The following PCDHA6 variants were observed in gnomAD, a reference collection of about 807,000 sequenced individuals.
The protein encoded by PCDHA6 is protocadherin alpha 6.
Under a neutral mutation model 60.3 loss-of-function variants are expected in PCDHA6, and 55 were observed. The ratio of observed to expected loss-of-function variants is 0.91; its 90% CI spans 0.73 to 1.14. The LOEUF is 1.14. PCDHA6 is among the 50% of genes most tolerant of loss of function. The probability of loss-of-function intolerance (pLI) is 0.00; values close to 1 mark genes in which losing one functional copy is unlikely to be tolerated. For synonymous variants in PCDHA6, 652 were observed against 557.9 expected (o/e 1.17, Z -2.38); for missense variants, 1,327 against 1,256.5 (o/e 1.06, Z -0.85).
chr5:140,946,091 A>G (rs1554217315), intron 1 of PCDHA6, among the ~76,000 whole-genome samples: 1 of 152,040 alleles, frequency 6.6e-6, no homozygotes, highest in Non-Finnish European at 1.5e-5. Flanking sequence ...TCTGATAAGG[A>G]GTTAACATAC....
At chr5:140,942,361 G>A (rs1554214935) in intron 1 of PCDHA6, among the ~76,000 whole-genome samples, 1 of 151,920 alleles carries the variant, frequency 6.6e-6, no homozygotes, top group East Asian at 1.9e-4. Context: ...GCAGTTAACG[G>A]AGATTGCACC....
chr5:140,880,739 A>G (rs1349403476), intron 1 of PCDHA6, among the ~76,000 whole-genome samples: 1 of 152,204 alleles, frequency 6.6e-6, no homozygotes, highest in South Asian at 2.1e-4. Context: ...GAGAAAATGG[A>G]TTGTCAGTGT....
intron 1 of PCDHA6, chr5:140,868,241 T>C (rs1042254119): frequency 2.0e-5 from 3 of 152,140 alleles, no homozygotes; most frequent in Non-Finnish European, 4.4e-5. Flanking sequence ...TCTAGATCAA[T>C]AGACTTTTCC....
At chr5:140,881,376 C>G in intron 1 of PCDHA6, 5 of 984,754 alleles carry the variant, frequency 5.1e-6, no homozygotes, top group Non-Finnish European at 6.0e-6. Context: ...GAATTGCAGC[C>G]GGCGGCGGTA....
In PCDHA6 at chr5:140,870,728, C is replaced by G. The variant is rs531202250; in HGVS notation, c.2394+40243C>G. On this transcript the variant is annotated intron_variant, in intron 1 of 3. Transcript: ENST00000529310. Reference sequence around the variant, plus strand: ...GTGAGCGCGCGCGATGCGGGCGTGCCGCCTCTGAGCAGCAACGTGACGCTG... The same window carrying G: ...GTGAGCGCGCGCGATGCGGGCGTGCGGCCTCTGAGCAGCAACGTGACGCTG... The G allele has an allele frequency of 5.0e-6, 8 of 1,613,220 alleles. No individual in the cohort carries two copies. The East Asian group carries it at 6.7e-5, about 13-fold the overall frequency.
intron 1 of PCDHA6, chr5:140,871,411 G>A: frequency 6.2e-7 from 1 of 1,614,056 alleles, no homozygotes; most frequent in Non-Finnish European, 8.5e-7. Flanking sequence ...GGACCTCATG[G>A]CCTTCAGCCC....
chr5:140,862,831 G>A (rs782083560), intron 1 of PCDHA6: 2 of 572,766 alleles, frequency 3.5e-6, no homozygotes, highest in Admixed American at 1.9e-5. Context: ...AGCGCGCGAC[G>A]CGGGCATGCC....
At chr5:140,989,321 C>A (rs898791820) in intron 3 of PCDHA6, among the ~76,000 whole-genome samples, 6 of 152,178 alleles carry the variant, frequency 3.9e-5, no homozygotes, top group Non-Finnish European at 7.3e-5. Flanking sequence ...GTCTCACCAA[C>A]TTTGCCACCT....
chr5:140,888,088 C>G (rs941828532), intron 1 of PCDHA6, among the ~76,000 whole-genome samples: 3 of 151,906 alleles, frequency 2.0e-5, no homozygotes, highest in African/African-American at 4.8e-5. Flanking sequence ...ACATTTTTGT[C>G]CTTAGTTTGC....
chr5:140,899,056 G>A (rs1370417194), intron 1 of PCDHA6, among the ~76,000 whole-genome samples: 1 of 152,062 alleles, frequency 6.6e-6, no homozygotes, highest in Non-Finnish European at 1.5e-5. Context: ...CTGAGACTTT[G>A]CTGAAGTTGC....
In PCDHA6 at chr5:141,011,697, T is replaced by A. The variant is rs1187125634; in HGVS notation, c.*1760T>A. ...TTTTGTTCTAGTAACAATTTTGGAATGAATACTGACAATATTCCATGAGGG... is the reference window on the plus strand; with the variant it reads ...TTTTGTTCTAGTAACAATTTTGGAAAGAATACTGACAATATTCCATGAGGG... On this transcript the variant is annotated 3_prime_UTR_variant, in exon 4 of 4. Transcript: ENST00000529310. 2 of 153,778 alleles carry A rather than the reference T, an allele frequency of 1.3e-5. No homozygotes were observed. Among genetic ancestry groups the A allele is most frequent in the Non-Finnish European group, 2.9e-5 (2 of 68,036 alleles). The allele number at this position is 153,778 out of a possible 1,614,324, so 9.5% of individuals were successfully genotyped here.
At chr5:140,868,925 T>C (rs558364822) in intron 1 of PCDHA6, 1 of 1,048,896 alleles carries the variant, frequency 9.5e-7, no homozygotes. Flanking sequence ...GAAAGTTCAT[T>C]TAAAGGTTGG....
rs79304807 is a variant in PCDHA6 at position 140,914,832 on chromosome 5, A to G, written c.2395-64117A>G. ...ACTTAACAGACTGCATAAACAAAAA[A>G]CAAACACACAAAAGGAAGACTAATA... On this transcript the variant is annotated intron_variant, in intron 1 of 3. Transcript: ENST00000529310. 8.0e-3 allele frequency among the ~76,000 whole-genome samples: 1,220 copies of G among 152,292 alleles called. 6 individuals carry two copies. Among genetic ancestry groups the G allele is most frequent in the African/African-American group, 0.019 (787 of 41,574 alleles).
intron 3 of PCDHA6, among the ~76,000 whole-genome samples, chr5:140,998,895 A>G (rs545479952): frequency 1.3e-4 from 20 of 152,354 alleles, no homozygotes; most frequent in Non-Finnish European, 1.8e-4. Flanking sequence ...ATAAATAACA[A>G]TGCCTCCGGG....
chr5:140,885,410 G>A (rs1203684049), intron 1 of PCDHA6, among the ~76,000 whole-genome samples: 3 of 152,088 alleles, frequency 2.0e-5, no homozygotes, highest in Non-Finnish European at 4.4e-5. Flanking sequence ...TTTAATAGCT[G>A]TGTAGTATTC....
chr5:140,983,387 G>T (rs1417783796), intron 3 of PCDHA6, among the ~76,000 whole-genome samples: 1 of 152,188 alleles, frequency 6.6e-6, no homozygotes, highest in Non-Finnish European at 1.5e-5. Flanking sequence ...CGCTGTGGCA[G>T]TTTTCAGAAA....
intron 1 of PCDHA6, among the ~76,000 whole-genome samples, chr5:140,948,267 A>G (rs964252489): frequency 1.3e-5 from 2 of 151,646 alleles, no homozygotes. Flanking sequence ...GTGTTCATGT[A>G]GAATATCTGT....
chr5:140,829,991 A>G lies in PCDHA6; in HGVS notation c.1900A>G (p.Thr634Ala). 1.2e-6 allele frequency: 2 copies of G among 1,613,756 alleles called. No individual in the cohort carries two copies. Among genetic ancestry groups the G allele is most frequent in the Non-Finnish European group, 1.7e-6 (2 of 1,179,862 alleles). ...VGLYTGEIST[T>A]RVLDEADSPR... The stretch of plus-strand genomic sequence containing the variant: ...GCTGTACACGGGCGAGATCAGCACC[A>G]CTCGTGTCCTGGACGAAGCGGACTC... The change falls in exon 1 of 4, where the codon ACT becomes GCT. Residue 634 changes from threonine to alanine, a missense_variant. Transcript: ENST00000529310.
chr5:140,961,366 C>A (rs1384222732), intron 1 of PCDHA6, among the ~76,000 whole-genome samples: 2 of 152,144 alleles, frequency 1.3e-5, no homozygotes, highest in Non-Finnish European at 2.9e-5. Context: ...CATTAGAATT[C>A]TCCTTCTAGT....
Sources: gnomAD v4.1 joint callset for allele counts (sites outside exome capture counted in the v4.1 genomes callset) on GRCh38, gnomAD v4.1.1 for gene constraint, MANE v1.5 for transcripts, NCBI Gene and HGNC (gene_info 2026-07-23, HGNC 2026-07-21) for gene names.